Variants in FLNB observed in about 807,000 individuals in gnomAD.
FLNB encodes filamin-B.
FLNB carries 111 observed loss-of-function variants against 250.6 expected under a neutral mutation model. The ratio of observed to expected loss-of-function variants is 0.44; its 90% CI spans 0.38 to 0.52. The LOEUF (loss-of-function observed/expected upper bound fraction) is 0.52. Among genes scored for constraint, FLNB ranks in the 20% least tolerant of loss-of-function variants. FLNB has a pLI of 0.00. For missense variants in FLNB, 2,869 were observed against 3,447.8 expected (o/e 0.83, Z 4.20); for synonymous variants, 1,302 against 1,372.1 (o/e 0.95, Z 1.13).
intron 13 of FLNB, among the ~76,000 whole-genome samples, chr3:58,108,901 T>C (rs1230432615): frequency 6.6e-6 from 1 of 152,196 alleles, no homozygotes; most frequent in Non-Finnish European, 1.5e-5. Context: ...GTTTATTTAA[T>C]CTAATTGAAT....
At chr3:58,165,079 C>T (rs2097368129) in intron 43 of FLNB, 1 of 152,350 alleles carries the variant, frequency 6.6e-6, no homozygotes, top group African/African-American at 2.4e-5. Context: ...TGACAAGGTA[C>T]TCACCTTTGA....
intron 42 of FLNB, among the ~76,000 whole-genome samples, chr3:58,161,226 G>A (rs1483122195): frequency 1.3e-5 from 2 of 152,158 alleles, no homozygotes; most frequent in Non-Finnish European, 2.9e-5. Flanking sequence ...TATAGAGAGT[G>A]AGAGAGAGAA....
chr3:58,057,658 G>A (rs2097172491), intron 1 of FLNB, among the ~76,000 whole-genome samples: 1 of 152,210 alleles, frequency 6.6e-6, no homozygotes, highest in Non-Finnish European at 1.5e-5. Context: ...TTTATGAGTA[G>A]TTTGGTAGTT....
At chr3:58,013,521 G>T (rs1442946466) in intron 1 of FLNB, among the ~76,000 whole-genome samples, 3 of 152,168 alleles carry the variant, frequency 2.0e-5, no homozygotes. Flanking sequence ...AGTACAGAGA[G>T]TGCTTAAAAA....
rs1431381737 is a variant in FLNB at position 58,102,131 on chromosome 3, C to T, written c.1346-72C>T. ...CAAATATTTTCTTGGCGGGTGGCTC[C>T]AGGTTACCTTGGCTTTCACGACTCT... is the stretch of plus-strand genomic sequence containing the variant. On this transcript the variant is annotated intron_variant, in intron 8 of 45. Coordinates refer to ENST00000295956, the MANE Select transcript of FLNB (RefSeq NM_001457.4). The T allele has an allele frequency of 3.2e-6, 5 of 1,581,160 alleles. No homozygotes were observed. In the Admixed American group the frequency reaches 6.7e-5, roughly 21 times the overall value.
At chr3:58,143,424 G>A in intron 31 of FLNB, 49 bp from the exon 32 acceptor site, 1 of 1,610,996 alleles carries the variant, frequency 6.2e-7, no homozygotes, top group Non-Finnish European at 8.5e-7. Flanking sequence ...TGCTTCTCTG[G>A]GGAAGGTTGC....
rs747991123 is a variant in FLNB, at chr3:58,123,337, A to T, written c.3371A>T (p.Lys1124Ile). Residue 1124 changes from lysine to isoleucine, a missense_variant, in exon 21 of 46, where the codon AAA becomes ATA. Physicochemically the swap from Lys to Ile is moderately radical, Grantham distance 102. This residue lies in a region of FLNB where 1,348 missense variants were observed against 1,466.7 expected (regional missense o/e 0.92). Transcript: ENST00000295956. ...EEVHIPGSPF[K>I]ADIEMPFDPS... The stretch of plus-strand genomic sequence containing the variant: ...GTCCACATACCTGGGTCTCCCTTCA[A>T]AGCTGACATTGAAATGCCCTTTGAC... 6.2e-7 allele frequency: 1 copy of T among 1,614,064 alleles called. No individual in the cohort carries two copies. The highest frequency in any genetic ancestry group is 2.2e-5 in the East Asian group (1 of 44,876).
At chr3:58,026,918 A>T (rs1379974159) in intron 1 of FLNB, among the ~76,000 whole-genome samples, 5 of 152,152 alleles carry the variant, frequency 3.3e-5, no homozygotes, top group Admixed American at 2.0e-4. Context: ...ATGGGAAGAA[A>T]TTCGTCAGCC....
rs57053256 is a variant in FLNB, at chr3:58,136,746, C to CTTTTTTTTTTTTT, written c.4861+589_4861+601dup. Among the ~76,000 whole-genome samples, 65 of 79,808 alleles carry CTTTTTTTTTTTTT rather than the reference C, an allele frequency of 8.1e-4. 5 individuals are homozygous for CTTTTTTTTTTTTT. The highest frequency in any genetic ancestry group is 3.8e-3 in the East Asian group (8 of 2,116). 52.4% of individuals were successfully genotyped at this position (79,808 alleles called of 152,430 possible). A position where few individuals can be genotyped will look rare whatever the true frequency, so the allele number is the denominator to read the frequency against. On this transcript the variant is annotated intron_variant, in intron 28 of 45. Transcript: ENST00000295956. ...CAACTATTGACTGTCACAGGCCATT[C>CTTTTTTTTTTTTT]TTTTTTTTTTTTTTTTTTTTTTTGA... is the stretch of plus-strand genomic sequence containing the variant.
At chr3:58,168,736 TG>T in intron 44 of FLNB, 78 bp downstream of exon 44, 4 of 1,074,034 alleles carry the variant, frequency 3.7e-6, no homozygotes, top group South Asian at 1.3e-5. Context: ...GTGGAAACTA[TG>T]GATGGTTTTA....
In FLNB at chr3:58,028,156, A is replaced by T. The variant is rs190979406; in HGVS notation, c.292+19300A>T. The stretch of plus-strand genomic sequence containing the variant: ...AGTAATGTATAGATGCTTTGTTTGG[A>T]TACTTATGCAGCCATTACCATGTGC... On this transcript the variant is annotated intron_variant, in intron 1 of 45. Transcript: ENST00000295956. 2.6e-5 allele frequency among the ~76,000 whole-genome samples: 4 copies of T among 152,254 alleles called. No individual in the cohort carries two copies. The East Asian group carries it at 7.7e-4, about 29-fold the overall frequency.
At chr3:58,110,561 C>T (rs2097266833) in intron 16 of FLNB, among the ~76,000 whole-genome samples, 1 of 152,154 alleles carries the variant, frequency 6.6e-6, no homozygotes, top group Non-Finnish European at 1.5e-5. Flanking sequence ...AGTGATTCTC[C>T]TGCCTCAGCC....
chr3:58,169,024 C>T lies in FLNB; in HGVS notation c.7417+366C>T. ...CTATACTTATAAAAATGTGTCTCCT[C>T]CAAAACACTGGAAAAAATACCAAAC... is the stretch of plus-strand genomic sequence containing the variant. On this transcript the variant is annotated intron_variant, in intron 44 of 45. Transcript: ENST00000295956. This position sits in a 1 kb window ranked among gnomAD's most constrained non-coding sequence, Gnocchi z 4.8. The T allele has an allele frequency of 3.1e-6, 1 of 321,580 alleles. No individual in the cohort carries two copies. Among genetic ancestry groups the T allele is most frequent in the Non-Finnish European group, 6.0e-6 (1 of 167,506 alleles). 19.9% of individuals were successfully genotyped at this position (321,580 alleles called of 1,614,324 possible). A position where few individuals can be genotyped will look rare whatever the true frequency, so the allele number is the denominator to read the frequency against.
In FLNB at chr3:58,118,913, C is replaced by A. The variant is rs1441740146; in HGVS notation, c.2787C>A (p.Ile929=). ...TGGTGACTTACGGTGGCGATCCCAT[C>A]CCTAAAAGCCCTTTCACTGTGGGTG... is the stretch of plus-strand genomic sequence containing the variant. ...QVLVTYGGDP[I]PKSPFTVGVA... Residue 929 remains isoleucine (I), a synonymous_variant, in exon 19 of 46, where the codon ATC becomes ATA. Transcript: ENST00000295956. The A allele has an allele frequency of 6.2e-7, 1 of 1,614,088 alleles. No individual in the cohort carries two copies. The highest frequency in any genetic ancestry group is 1.7e-5 in the Admixed American group (1 of 60,010).
intron 8 of FLNB, among the ~76,000 whole-genome samples, chr3:58,101,505 G>A (rs9856522): frequency 0.076 from 11,607 of 152,172 alleles, 512 homozygotes; most frequent in Middle Eastern, 0.095. Context: ...AGCTATCTTC[G>A]CCCTTAACTT....
intron 1 of FLNB, among the ~76,000 whole-genome samples, chr3:58,034,182 A>C (rs976933087): frequency 1.3e-5 from 2 of 152,156 alleles, no homozygotes; most frequent in African/African-American, 4.8e-5. Flanking sequence ...AAATAAAGCT[A>C]TCATGAACAT....
intron 1 of FLNB, among the ~76,000 whole-genome samples, chr3:58,064,275 G>T (rs918415925): frequency 2.6e-5 from 4 of 152,092 alleles, no homozygotes; most frequent in Admixed American, 6.6e-5. Flanking sequence ...CAAATAGCTG[G>T]AACTACAGGC....
intron 1 of FLNB, among the ~76,000 whole-genome samples, chr3:58,075,963 C>G (rs1258059449): frequency 1.3e-5 from 2 of 152,056 alleles, no homozygotes; most frequent in African/African-American, 4.8e-5. Context: ...AAACAAATGG[C>G]AGTGAGACTC....
At chr3:58,097,725 A>ACT (rs2097241513) in intron 6 of FLNB, 90 bp from the exon 7 acceptor site, 1 of 1,265,552 alleles carries the variant, frequency 7.9e-7, no homozygotes. Context: ...GGAGGGTAGG[A>ACT]GAGGTGATCA....
Sources: allele counts gnomAD v4.1 joint callset (sites outside exome capture counted in the v4.1 genomes callset), GRCh38; gene constraint gnomAD v4.1.1; regional missense constraint gnomAD v4.1.1; non-coding constraint Gnocchi (gnomAD v3.1); transcripts MANE v1.5; gene names NCBI Gene and HGNC (gene_info 2026-07-23, HGNC 2026-07-21).